HGFAC: variants seen among roughly 807,000 people sequenced by gnomAD.
HGFAC encodes the protein HGF activator.
In HGFAC, 76 loss-of-function variants were observed where a neutral mutation model predicts 70.6. That is an observed-to-expected ratio of 1.08 (90% confidence interval 0.89 to 1.30). The LOEUF is 1.30. HGFAC is among the 50% of genes most tolerant of loss of function. The probability of loss-of-function intolerance (pLI) is 0.00; values close to 1 mark genes in which losing one functional copy is unlikely to be tolerated. For missense variants in HGFAC, 1,044 were observed against 933.7 expected, an observed-to-expected ratio of 1.12 and a Z score of -1.54; for synonymous variants, 464 against 405.3, an observed-to-expected ratio of 1.14 and a Z score of -1.74.
chr4:3,444,770 T>G (rs1283324935), intron 7 of HGFAC, 37 bp downstream of exon 7: 2 of 1,577,484 alleles, frequency 1.3e-6, no homozygotes, highest in Non-Finnish European at 1.7e-6. Context: ...CCTGGGGCAG[T>G]GCCGGGTGGA....
intron 9 of HGFAC, 84 bp from the exon 10 acceptor site, chr4:3,445,958 G>T: frequency 6.4e-7 from 1 of 1,569,976 alleles, no homozygotes; most frequent in South Asian, 1.2e-5. Flanking sequence ...CCTCTGCAGC[G>T]CCTCCTGCCG....
At chr4:3,443,174 G>A (rs1560191454) in intron 3 of HGFAC, 28 bp downstream of exon 3, 2 of 1,463,466 alleles carry the variant, frequency 1.4e-6, no homozygotes, top group African/African-American at 2.8e-5. Flanking sequence ...GGGCACCCGA[G>A]CTGGGGTCAC....
At position 3,444,860 on chromosome 4, in the gene HGFAC, C is replaced by A. The variant is rs374919117; in HGVS notation, c.883C>A (p.Arg295Ser). The A allele has an allele frequency of 1.1e-5, 17 of 1,605,228 alleles. No homozygotes were observed. The highest frequency in any genetic ancestry group is 1.3e-5 in the African/African-American group (1 of 74,812). Residue 295 changes from arginine to serine, a missense_variant, in exon 8 of 14, where the codon CGT (arginine) becomes AGT (serine). Arg to Ser is a moderately radical substitution (Grantham distance 110, BLOSUM62 -1). Coordinates refer to ENST00000382774, the MANE Select transcript of HGFAC (RefSeq NM_001528.4). ...CTTCTTGGGGAACGGCACTGGGTAC[C>A]GTGGCGTGGCCAGCACCTCAGCCTC... is the stretch of plus-strand genomic sequence containing the variant. ...RCFLGNGTGYRGVASTSASGL... is the reference protein window; with the variant it reads ...RCFLGNGTGYSGVASTSASGL...
chr4:3,445,344 G>C lies in HGFAC; in HGVS notation c.1096G>C (p.Ala366Pro), dbSNP rs1266678658. 3 of 1,572,416 alleles carry C rather than the reference G, an allele frequency of 1.9e-6. No individual in the cohort carries two copies. Among genetic ancestry groups the C allele is most frequent in the African/African-American group, 2.7e-5 (2 of 73,780 alleles). ...ALSWEYCRLE[A>P]CESLTRVQLS... ...CTCCTGGGAGTACTGCCGCCTGGAG[G>C]CCTGCGGTGCGCGGCTGGCGGGGGG... The change falls in exon 9 of 14, where the codon GCC (alanine) becomes CCC (proline). Residue 366 changes from alanine to proline, a missense_variant. Transcript: ENST00000382774.
Position 3,442,137 on chromosome 4 carries a change from G to T in HGFAC, c.117+19G>T, listed in dbSNP as rs372083455. The T allele has an allele frequency of 2.0e-6, 3 of 1,531,642 alleles. No homozygotes were observed. In the South Asian group the frequency reaches 3.7e-5, roughly 19 times the overall value. The allele number at this position is 1,531,642 out of a possible 1,614,324, so 94.9% of individuals were successfully genotyped here. A position where few individuals can be genotyped will look rare whatever the true frequency, so the allele number is the denominator to read the frequency against. ...TGGCGGGGTGAGCACTGACCTTGTC[G>T]CAGTGCGACCAGAGGTTCCCAGTGG... is the stretch of plus-strand genomic sequence containing the variant. On this transcript the variant is annotated intron_variant, in intron 1 of 13. Transcript: ENST00000382774.
chr4:3,444,309 AG>A lies in HGFAC; in HGVS notation c.599-1del. 1.3e-6 allele frequency: 2 copies of A among 1,587,288 alleles called. No individual in the cohort carries two copies. Among genetic ancestry groups the A allele is most frequent in the Non-Finnish European group, 1.7e-6 (2 of 1,167,832 alleles). ...TGTGAGGGCTTACTGTGCACCCCTCAGAGAAATGCTTTGATGAGACCCGCTA... is the reference window on the plus strand; with the variant it reads ...TGTGAGGGCTTACTGTGCACCCCTCAAGAAATGCTTTGATGAGACCCGCTA... On this transcript the variant is annotated splice_acceptor_variant, in intron 5 of 13. Coordinates refer to ENST00000382774, the MANE Select transcript of HGFAC (RefSeq NM_001528.4). LOFTEE classifies it high-confidence loss of function.
At position 3,444,081 on chromosome 4, in the gene HGFAC, G is replaced by T. The variant is rs1725403696; in HGVS notation, c.518G>T (p.Gly173Val). Residue 173 changes from glycine (G) to valine (V), a missense_variant, in exon 5 of 14, where the codon GGC becomes GTC. Physicochemically the swap from Gly to Val is moderately radical, Grantham distance 109. Coordinates refer to ENST00000382774, the MANE Select transcript of HGFAC (RefSeq NM_001528.4). ...PCASGPCLNG[G>V]SCSNTQDPQS... ...GCCTCCGGCCCCTGCCTCAATGGAG[G>T]CTCCTGCTCCAATACCCAGGACCCC... 2.5e-6 allele frequency: 4 copies of T among 1,610,988 alleles called. No homozygotes were observed. The highest frequency in any genetic ancestry group is 3.4e-6 in the Non-Finnish European group (4 of 1,179,218).
At chr4:3,445,134 G>C (rs1448691783) in intron 8 of HGFAC, 131 bp from the exon 9 acceptor site, 2 of 1,292,884 alleles carry the variant, frequency 1.5e-6, no homozygotes, top group Non-Finnish European at 2.2e-6. Flanking sequence ...GAGGCTGCCC[G>C]AGGGAGGGCC....
In HGFAC at chr4:3,442,789, C is replaced by T. The variant is rs372714539; in HGVS notation, c.175C>T (p.Leu59=). The change falls in exon 2 of 14, where the codon CTG becomes TTG. Residue 59 remains leucine (L), a synonymous_variant. Coordinates refer to ENST00000382774, the MANE Select transcript of HGFAC (RefSeq NM_001528.4). ...AGCGACCCCTGCGATCCCCACTATC[C>T]TGGTGACCTCTGTGACCTCTGAGAC... ...ATATPAIPTI[L]VTSVTSETPA... 6 of 1,578,430 alleles carry T rather than the reference C, an allele frequency of 3.8e-6. No homozygotes were observed. The highest frequency in any genetic ancestry group is 5.1e-6 in the Non-Finnish European group (6 of 1,165,122).
At chr4:3,441,929 C>G (rs1002488439), upstream of HGFAC, 38 of 844,476 alleles carry the variant, frequency 4.5e-5, no homozygotes, top group African/African-American at 4.7e-4. The surrounding 1 kb of genome is among the most constrained non-coding windows in gnomAD (Gnocchi z 6.0). Flanking sequence ...ATCATTTCCA[C>G]GAAGCCTTGA....
At chr4:3,445,088 A>G in intron 8 of HGFAC, 95 bp downstream of exon 8, 1 of 1,394,884 alleles carries the variant, frequency 7.2e-7, no homozygotes, top group South Asian at 1.4e-5. Flanking sequence ...AGGCGGGGCC[A>G]GCTCCGTCCA....
At position 3,443,087 on chromosome 4, in the gene HGFAC, C is replaced by T. The variant is rs771176375; in HGVS notation, c.336C>T (p.Phe112=). The change falls in exon 3 of 14, where the codon TTC becomes TTT. Residue 112 remains phenylalanine (F), a synonymous_variant. Transcript: ENST00000382774. ...TEDGRPCRFP[F]RYGGRMLHAC... ...ACGGGAGGCCCTGCAGGTTCCCCTT[C>T]CGCTACGGGGGCCGCATGCTGCATG... is the stretch of plus-strand genomic sequence containing the variant. 4.4e-6 allele frequency: 7 copies of T among 1,598,960 alleles called. No individual in the cohort carries two copies. Among genetic ancestry groups the T allele is most frequent in the Non-Finnish European group, 5.1e-6 (6 of 1,178,370 alleles).
chr4:3,442,093 G>C lies in HGFAC; in HGVS notation c.92G>C (p.Arg31Pro). ...LLLLLLLLLP[R>P]GFQPQPGGNR... ...CTCCTGCTGCTGCTGCTGCTGCCAC[G>C]GGGGTTCCAGCCCCAGCCTGGCGGG... The change falls in exon 1 of 14, where the codon CGG becomes CCG. Residue 31 changes from arginine (R) to proline (P), a missense_variant. Physicochemically the swap from Arg to Pro is moderately radical, Grantham distance 103 (BLOSUM62 -2). Coordinates refer to ENST00000382774, the MANE Select transcript of HGFAC (RefSeq NM_001528.4). 6.4e-7 allele frequency: 1 copy of C among 1,559,118 alleles called. No individual in the cohort carries two copies. Among genetic ancestry groups the C allele is most frequent in the Non-Finnish European group, 8.6e-7 (1 of 1,164,156 alleles).
rs776265512 is a variant in HGFAC at position 3,449,243 on chromosome 4, T to C, written c.1792T>C (p.Ser598Pro). The C allele has an allele frequency of 3.1e-6, 5 of 1,611,530 alleles. No homozygotes were observed. Among genetic ancestry groups the C allele is most frequent in the Non-Finnish European group, 3.4e-6 (4 of 1,179,320 alleles). The change falls in exon 14 of 14, where the codon TCA becomes CCA. Residue 598 changes from serine (S) to proline (P), a missense_variant. By Grantham distance (74) the Ser-to-Pro change is moderately conservative. Transcript: ENST00000382774. ...DCKSDACQGD[S>P]GGPLACEKNG... ...GACCAACGTCTCTGCCCAGGGGGACTCAGGGGGGCCCCTGGCCTGCGAGAA... is the reference window on the plus strand; with the variant it reads ...GACCAACGTCTCTGCCCAGGGGGACCCAGGGGGGCCCCTGGCCTGCGAGAA...
At chr4:3,446,695 G>T (rs1255651737) in intron 10 of HGFAC, among the ~76,000 whole-genome samples, 2 of 152,258 alleles carry the variant, frequency 1.3e-5, no homozygotes, top group East Asian at 1.9e-4. Flanking sequence ...GGAAACTGAG[G>T]CCCAGCCCAC....
Position 3,443,099 on chromosome 4 carries a change from C to A in HGFAC, c.348C>A (p.Gly116=). Residue 116 remains glycine, a synonymous_variant, in exon 3 of 14, where the codon GGC becomes GGA. Transcript: ENST00000382774. ...GCAGGTTCCCCTTCCGCTACGGGGG[C>A]CGCATGCTGCATGCCTGCACTTCGG... ...RPCRFPFRYG[G]RMLHACTSEG... 6.3e-7 allele frequency: 1 copy of A among 1,596,808 alleles called. No individual in the cohort carries two copies. Among genetic ancestry groups the A allele is most frequent in the Non-Finnish European group, 8.5e-7 (1 of 1,177,098 alleles).
chr4:3,446,035 C>A lies in HGFAC; in HGVS notation c.1103-7C>A. On this transcript the variant is annotated splice_region_variant and splice_polypyrimidine_tract_variant and intron_variant, in intron 9 of 13. Coordinates refer to ENST00000382774, the MANE Select transcript of HGFAC (RefSeq NM_001528.4). ...CAGGGGTGTGACCCGGTGACCTTTG[C>A]TCCCAGAATCCCTCACCAGAGTCCA... is the stretch of plus-strand genomic sequence containing the variant. The A allele has an allele frequency of 6.2e-7, 1 of 1,607,324 alleles. No individual in the cohort carries two copies. Among genetic ancestry groups the A allele is most frequent in the Non-Finnish European group, 8.5e-7 (1 of 1,176,834 alleles).
Position 3,447,502 on chromosome 4 carries a change from G to A in HGFAC, c.1366G>A (p.Asp456Asn), listed in dbSNP as rs776775905. The A allele has an allele frequency of 6.2e-7, 1 of 1,612,600 alleles. No homozygotes were observed. The highest frequency in any genetic ancestry group is 8.5e-7 in the Non-Finnish European group (1 of 1,179,870). The change falls in exon 11 of 14, where the codon GAC (aspartate) becomes AAC (asparagine). Residue 456 changes from aspartate to asparagine, a missense_variant. Asp to Asn is a conservative substitution (Grantham distance 23, BLOSUM62 1). Coordinates refer to ENST00000382774, the MANE Select transcript of HGFAC (RefSeq NM_001528.4). The part of the protein sequence containing the change: ...AHCFSHSPPR[D>N]SVSVVLGQHF... ...GCCCCCCTTGCACAGCCCCCCCAGGGACAGCGTCTCCGTGGTGCTGGGCCA... is the reference window on the plus strand; with the variant it reads ...GCCCCCCTTGCACAGCCCCCCCAGGAACAGCGTCTCCGTGGTGCTGGGCCA...
intron 4 of HGFAC, 39 bp from the exon 5 acceptor site, chr4:3,444,000 C>A (rs1725400311): frequency 2.6e-6 from 4 of 1,536,846 alleles, no homozygotes; most frequent in Non-Finnish European, 3.5e-6. Flanking sequence ...CCCTGAGCCT[C>A]CCAGTCCGCC....
Sources: gnomAD v4.1 joint callset for allele counts (sites outside exome capture counted in the v4.1 genomes callset) on GRCh38, gnomAD v4.1.1 for gene constraint, Gnocchi (gnomAD v3.1) non-coding constraint, MANE v1.5 for transcripts, NCBI Gene and HGNC (gene_info 2026-07-23, HGNC 2026-07-21) for gene names.